Variants in ZNF331 observed in about 807,000 individuals in gnomAD.
The protein encoded by ZNF331 is zinc finger protein 331.
A neutral mutation model predicts 7.0 loss-of-function variants in ZNF331; 2 were observed. The ratio of observed to expected loss-of-function variants is 0.29; its 90% confidence interval spans 0.12 to 0.90. The LOEUF (loss-of-function observed/expected upper bound fraction) is 0.90, where lower values mean the gene tolerates loss of function less well. Ranked by LOEUF, ZNF331 falls within the 40% of genes least tolerant of loss-of-function variation. The pLI, the probability that ZNF331 is intolerant of heterozygous loss-of-function variation, is 0.58. For synonymous variants in ZNF331, 196 were observed against 205.4 expected (o/e 0.95, Z 0.39); for missense variants, 432 against 587.7 (o/e 0.74, Z 2.74).
intron 2 of ZNF331, among the ~76,000 whole-genome samples, chr19:53,546,140 G>GGAAAAAAAAAAAAAAAAAAA (rs551214509): frequency 1.8e-5 from 2 of 113,512 alleles, no homozygotes; most frequent in Non-Finnish European, 3.7e-5. Flanking sequence ...TCCTGAGGGG[G>GGAAAAAAAAAAAAAAAAAAA]AAAAAAAAAA....
rs954574618 is a variant in ZNF331, at chr19:53,576,896, T to C, written c.336T>C (p.Ala112=). 1.9e-6 allele frequency: 3 copies of C among 1,614,000 alleles called. No individual in the cohort carries two copies. The highest frequency in any genetic ancestry group is 2.7e-5 in the African/African-American group (2 of 74,916). The change falls in exon 6 of 6, where the codon GCT becomes GCC. Residue 112 remains alanine (A), a synonymous_variant. Coordinates refer to ENST00000449416, the MANE Select transcript of ZNF331 (RefSeq NM_001079906.2). ...TCATCAATTATGTCAAAAGACCTGC[T>C]ACTAGAGAAGGCACCCCTCCTAGAA... ...QMIINYVKRP[A]TREGTPPRTH... is the part of the protein sequence containing the mutation.
At chr19:53,536,497 CTTAA>C (rs1265012200), upstream of ZNF331, 2 of 152,202 alleles carry the variant, frequency 1.3e-5, no homozygotes, top group African/African-American at 4.8e-5. Flanking sequence ...CAGAAGTTTT[CTTAA>C]TTAATGAGTC....
intron 2 of ZNF331, among the ~76,000 whole-genome samples, chr19:53,547,983 G>A (rs1419730329): frequency 6.6e-6 from 1 of 152,134 alleles, no homozygotes; most frequent in Non-Finnish European, 1.5e-5. Context: ...AGGCTGGAGT[G>A]CAGTGGTGCA....
At chr19:53,527,362 A>G (rs145634624) in intron 2 of ZNF331, among the ~76,000 whole-genome samples, 225 of 152,282 alleles carry the variant, frequency 1.5e-3, no homozygotes, top group African/African-American at 5.2e-3. Flanking sequence ...TAATTCATGA[A>G]TGCAGGAATA....
rs939609041 is a variant in ZNF331, at chr19:53,558,537, T to C, written c.-74+2629T>C. Among the ~76,000 whole-genome samples the C allele has an allele frequency of 6.6e-5, 10 of 152,066 alleles. No homozygotes were observed. The highest frequency in any genetic ancestry group is 2.2e-4 in the African/African-American group (9 of 41,370). The stretch of plus-strand genomic sequence containing the variant: ...CAAATAAGAGTTGATTTAATGCTAA[T>C]TGATTGAGTGGGGAAACTCAAGGCC... On this transcript the variant is annotated intron_variant, in intron 3 of 5. Transcript: ENST00000449416. The surrounding 1 kb of genome is among the most constrained non-coding windows in gnomAD (Gnocchi z 4.5).
At chr19:53,521,321 A>AGTGTGTGTGTGTGTGTGT (rs766042196) in exon 1 of ZNF331, 1 of 89,754 alleles carries the variant, frequency 1.1e-5, no homozygotes, top group African/African-American at 5.6e-5. Context: ...GGGAAGTGGG[A>AGTGTGTGTGTGTGTGTGT]GTGTGTGTGA....
At chr19:53,563,260 G>A (rs2089988005) in intron 3 of ZNF331, among the ~76,000 whole-genome samples, 1 of 151,844 alleles carries the variant, frequency 6.6e-6, no homozygotes, top group Admixed American at 6.6e-5. Context: ...GCTAATTTTT[G>A]TATTTTTAGT....
intron 2 of ZNF331, among the ~76,000 whole-genome samples, chr19:53,546,268 CAT>C (rs2088609933): frequency 6.6e-6 from 1 of 151,992 alleles, no homozygotes; most frequent in South Asian, 2.1e-4. Flanking sequence ...CGGCTCTCCA[CAT>C]GAGTTACCTT....
intron 3 of ZNF331, among the ~76,000 whole-genome samples, chr19:53,556,449 G>T (rs1299967332): frequency 6.6e-6 from 1 of 150,804 alleles, no homozygotes; most frequent in African/African-American, 2.4e-5. Context: ...TGATAACAAA[G>T]TACCATAGAC....
At chr19:53,568,160 G>A (rs566838058) in intron 3 of ZNF331, among the ~76,000 whole-genome samples, 119 of 151,686 alleles carry the variant, frequency 7.8e-4, no homozygotes, top group Middle Eastern at 6.8e-3. Flanking sequence ...GAGGAGAATC[G>A]CTTGAACCCG....
intron 4 of ZNF331, among the ~76,000 whole-genome samples, chr19:53,569,773 G>A (rs1255206056): frequency 1.3e-5 from 2 of 152,100 alleles, no homozygotes; most frequent in African/African-American, 2.4e-5. Context: ...GCTCATATTC[G>A]CCGGTCTGTC....
At chr19:53,561,056 G>A (rs1038879852) in intron 3 of ZNF331, among the ~76,000 whole-genome samples, 1 of 152,100 alleles carries the variant, frequency 6.6e-6, no homozygotes, top group Non-Finnish European at 1.5e-5. Context: ...TACTAGGGAC[G>A]CTGAGGTGGG....
chr19:53,555,051 T>C (rs1472119130), intron 2 of ZNF331, among the ~76,000 whole-genome samples: 2 of 152,048 alleles, frequency 1.3e-5, no homozygotes, highest in Non-Finnish European at 2.9e-5. Context: ...TGTGCTGTGG[T>C]GAGGCTGAGC....
At chr19:53,548,076 C>T (rs2147388858) in intron 2 of ZNF331, among the ~76,000 whole-genome samples, 1 of 151,954 alleles carries the variant, frequency 6.6e-6, no homozygotes, top group Non-Finnish European at 1.5e-5. Flanking sequence ...ACTACAGGCA[C>T]ATGCCATCAT....
At chr19:53,574,142 TTTTTGAAG>T (rs1328869413) in intron 5 of ZNF331, among the ~76,000 whole-genome samples, 1 of 150,892 alleles carries the variant, frequency 6.6e-6, no homozygotes, top group African/African-American at 2.5e-5. Flanking sequence ...TTTTAAAGAA[TTTTTGAAG>T]TTTTGAGCTT....
At chr19:53,544,319 G>T (rs1443009826) in intron 2 of ZNF331, among the ~76,000 whole-genome samples, 1 of 151,394 alleles carries the variant, frequency 6.6e-6, no homozygotes, top group Admixed American at 6.6e-5. Flanking sequence ...GCCAAGGTGG[G>T]CGGATCACGA....
At chr19:53,547,712 C>T (rs1235123262) in intron 2 of ZNF331, among the ~76,000 whole-genome samples, 3 of 152,096 alleles carry the variant, frequency 2.0e-5, no homozygotes, top group African/African-American at 4.8e-5. Flanking sequence ...TTAATAAAAG[C>T]CATTCTTACA....
At chr19:53,540,222 G>A (rs1651281497) in intron 2 of ZNF331, among the ~76,000 whole-genome samples, 1 of 152,108 alleles carries the variant, frequency 6.6e-6, no homozygotes, top group African/African-American at 2.4e-5. Flanking sequence ...TAGACCGGTG[G>A]CTGAAACCAC....
intron 2 of ZNF331, among the ~76,000 whole-genome samples, chr19:53,523,921 C>A (rs2087189849): frequency 6.6e-6 from 1 of 151,490 alleles, no homozygotes; most frequent in Non-Finnish European, 1.5e-5. Flanking sequence ...CCCAGCCCCC[C>A]AACTCCGACG....
Sources: gnomAD v4.1 joint callset for allele counts (sites outside exome capture counted in the v4.1 genomes callset) on GRCh38, gnomAD v4.1.1 for gene constraint, Gnocchi (gnomAD v3.1) non-coding constraint, MANE v1.5 for transcripts, NCBI Gene and HGNC (gene_info 2026-07-23, HGNC 2026-07-21) for gene names.